The following ARHGAP21 variants were observed in gnomAD, a reference collection of about 807,000 sequenced individuals.
ARHGAP21 encodes Rho GTPase activating protein 21.
In ARHGAP21, 38 loss-of-function variants were observed where a neutral mutation model predicts 164.6. The observed-to-expected ratio is 0.23, with a 90% CI of 0.18 to 0.30. The LOEUF (loss-of-function observed/expected upper bound fraction) is 0.30. ARHGAP21 is among the 10% of genes least tolerant of loss of function. The probability of loss-of-function intolerance (pLI) is 1.00; values close to 1 mark genes in which losing one functional copy is unlikely to be tolerated. For synonymous variants in ARHGAP21, 766 were observed against 857.9 expected (o/e 0.89, Z 1.87); for missense variants, 1,822 against 2,370.7 (o/e 0.77, Z 4.81).
intron 2 of ARHGAP21, 151 bp downstream of exon 2, chr10:24,721,686 C>A (rs1264039265): frequency 3.8e-6 from 3 of 780,706 alleles, no homozygotes; most frequent in Admixed American, 5.0e-5. Context: ...GGCTTCTCCT[C>A]GCTACTGGTT....
Position 24,631,445 on chromosome 10 carries a change from T to G in ARHGAP21, c.441-1395A>C, listed in dbSNP as rs115895882. On this transcript the variant is annotated intron_variant, in intron 6 of 25. Coordinates refer to ENST00000396432, the MANE Select transcript of ARHGAP21 (RefSeq NM_020824.4). Reference sequence around the variant, plus strand: ...TATCTCCACCAAATGCTTCAACAGCTAATCTAACAATATCAGACATATTTT... The same window carrying G: ...TATCTCCACCAAATGCTTCAACAGCGAATCTAACAATATCAGACATATTTT... 2.4e-3 allele frequency among the ~76,000 whole-genome samples: 363 copies of G among 152,288 alleles called. 3 individuals carry two copies. The highest frequency in any genetic ancestry group is 8.3e-3 in the African/African-American group (343 of 41,560).
At chr10:24,710,440 G>A (rs1039176726) in intron 2 of ARHGAP21, among the ~76,000 whole-genome samples, 4 of 152,112 alleles carry the variant, frequency 2.6e-5, no homozygotes, top group Admixed American at 1.3e-4. Flanking sequence ...CAGTAGGTGA[G>A]GTCAGCCTGC....
intron 2 of ARHGAP21, among the ~76,000 whole-genome samples, chr10:24,717,358 G>C (rs1188420745): frequency 6.6e-6 from 1 of 152,142 alleles, no homozygotes; most frequent in Non-Finnish European, 1.5e-5. Context: ...AGTCCCTGTG[G>C]AAACAAACAT....
At position 24,591,631 on chromosome 10, in the gene ARHGAP21, A is replaced by C. The variant is rs1225389776; in HGVS notation, c.4044+11T>G. ...AACTACTGAGTACAAATGCTGACAGACAATACTTACAAGAGGCTCTTCAGC... is the reference window on the plus strand; with the variant it reads ...AACTACTGAGTACAAATGCTGACAGCCAATACTTACAAGAGGCTCTTCAGC... On this transcript the variant is annotated intron_variant, in intron 23 of 25. Transcript: ENST00000396432. The C allele has an allele frequency of 2.5e-5, 41 of 1,613,812 alleles. No individual in the cohort carries two copies. Among genetic ancestry groups the C allele is most frequent in the Non-Finnish European group, 3.5e-5 (41 of 1,179,682 alleles).
chr10:24,668,143 C>G (rs1159899820), intron 3 of ARHGAP21, among the ~76,000 whole-genome samples: 3 of 152,220 alleles, frequency 2.0e-5, no homozygotes. Flanking sequence ...TCCAAGGTCA[C>G]AGATCTAACA....
intron 4 of ARHGAP21, among the ~76,000 whole-genome samples, chr10:24,637,521 G>A (rs766108853): frequency 1.4e-4 from 21 of 152,134 alleles, no homozygotes; most frequent in Non-Finnish European, 2.4e-4. Context: ...TCTCAAAGGT[G>A]ATTATTTCAT....
At chr10:24,609,637 T>G (rs2077170183) in intron 9 of ARHGAP21, among the ~76,000 whole-genome samples, 1 of 152,192 alleles carries the variant, frequency 6.6e-6, no homozygotes, top group African/African-American at 2.4e-5. Flanking sequence ...CTTGATTCCC[T>G]TTGAAAATAT....
intron 25 of ARHGAP21, 94 bp downstream of exon 25, chr10:24,589,177 G>T: frequency 1.9e-6 from 2 of 1,043,712 alleles, no homozygotes; most frequent in South Asian, 2.7e-5. Flanking sequence ...TGTCTCATTA[G>T]ACATAGAGAG....
rs114436607 is a variant in ARHGAP21 at position 24,622,843 on chromosome 10, C to T, written c.496-81G>A. 1.1e-4 allele frequency: 160 copies of T among 1,418,212 alleles called. No individual in the cohort carries two copies. The African/African-American group carries it at 1.7e-3, about 15-fold the overall frequency. 87.9% of individuals were successfully genotyped at this position (1,418,212 alleles called of 1,614,324 possible). On this transcript the variant is annotated intron_variant, in intron 7 of 25. Transcript: ENST00000396432. ...CATGTTGTCATATTGATGCTGGAAA[C>T]GGCAAGCTAAAAATACATCTATACT...
intron 9 of ARHGAP21, among the ~76,000 whole-genome samples, chr10:24,610,992 C>G (rs1338958017): frequency 1.3e-5 from 2 of 152,208 alleles, no homozygotes; most frequent in African/African-American, 4.8e-5. Flanking sequence ...GTTTTTTCAT[C>G]TCATAAACTG....
intron 23 of ARHGAP21, 69 bp downstream of exon 23, chr10:24,591,573 T>G (rs2076333147): frequency 6.4e-7 from 1 of 1,568,408 alleles, no homozygotes; most frequent in African/African-American, 1.4e-5. Flanking sequence ...AAGTTGACAT[T>G]GTTGGCGCGC....
At position 24,614,961 on chromosome 10, in the gene ARHGAP21, CG is replaced by C. The variant is rs745873591; in HGVS notation, c.2422+4511del. On this transcript the variant is annotated intron_variant, in intron 9 of 25. Transcript: ENST00000396432. The stretch of plus-strand genomic sequence containing the variant: ...CAGCACTTTGGGAGGCTGAGGGGGA[CG>C]GATCACCTGAGGTCAGGAGTTTGTG... Among the ~76,000 whole-genome samples the C allele has an allele frequency of 5.6e-3, 854 of 151,752 alleles. 5 individuals carry two copies. Among genetic ancestry groups the C allele is most frequent in the Middle Eastern group, 0.017 (5 of 294 alleles).
At chr10:24,647,779 A>G (rs1431901346) in intron 4 of ARHGAP21, among the ~76,000 whole-genome samples, 3 of 152,206 alleles carry the variant, frequency 2.0e-5, no homozygotes, top group African/African-American at 7.2e-5. Flanking sequence ...ACATAAAAGA[A>G]ATTATTTTCC....
chr10:24,664,495 G>A (rs1434628468), intron 4 of ARHGAP21, among the ~76,000 whole-genome samples: 1 of 151,148 alleles, frequency 6.6e-6, no homozygotes, highest in African/African-American at 2.4e-5. Context: ...GGAGGAGGTG[G>A]CATTGAGCCG....
intron 2 of ARHGAP21, among the ~76,000 whole-genome samples, chr10:24,710,689 A>G (rs1369277788): frequency 2.0e-5 from 3 of 152,220 alleles, no homozygotes; most frequent in East Asian, 3.8e-4. Flanking sequence ...ATATAACAGG[A>G]AAGTTTGGCA....
intron 2 of ARHGAP21, among the ~76,000 whole-genome samples, chr10:24,697,585 G>T (rs892994056): frequency 1.3e-5 from 2 of 151,986 alleles, no homozygotes; most frequent in Non-Finnish European, 2.9e-5. Context: ...GGCCAGGCAC[G>T]GTGGTTCATA....
At chr10:24,592,417 CA>C (rs1036501243) in intron 21 of ARHGAP21, among the ~76,000 whole-genome samples, 42 of 152,102 alleles carry the variant, frequency 2.8e-4, no homozygotes, top group African/African-American at 9.2e-4. Context: ...AATTAGCATT[CA>C]TTTTTTTCCA....
chr10:24,674,038 C>A (rs1423390443), intron 2 of ARHGAP21, among the ~76,000 whole-genome samples: 1 of 152,146 alleles, frequency 6.6e-6, no homozygotes, highest in Non-Finnish European at 1.5e-5. Context: ...GAAGAACATA[C>A]AATGAATTTT....
intron 4 of ARHGAP21, among the ~76,000 whole-genome samples, chr10:24,665,649 G>A (rs1297225140): frequency 6.6e-6 from 1 of 152,186 alleles, no homozygotes; most frequent in Non-Finnish European, 1.5e-5. Flanking sequence ...TGATGGAAAG[G>A]TTGTTTTGAT....
Sources: gnomAD v4.1 joint callset for allele counts (sites outside exome capture counted in the v4.1 genomes callset) on GRCh38, gnomAD v4.1.1 for gene constraint, MANE v1.5 for transcripts, NCBI Gene and HGNC (gene_info 2026-07-23, HGNC 2026-07-21) for gene names.